The following CC2D2B variants were observed in gnomAD, a reference collection of about 807,000 sequenced individuals.
CC2D2B encodes coiled-coil and C2 domain containing 2B.
CC2D2B carries 128 observed loss-of-function variants against 161.2 expected under a neutral mutation model. That is an observed-to-expected ratio of 0.79 (90% confidence interval 0.69 to 0.92). CC2D2B has a LOEUF of 0.92. Ranked by LOEUF, CC2D2B falls within the 40% of genes least tolerant of loss-of-function variation. The pLI is 0.00. For synonymous variants in CC2D2B, 391 were observed against 449.8 expected (o/e 0.87, Z 1.65); for missense variants, 1,173 against 1,375.1 (o/e 0.85, Z 2.32).
intron 9 of CC2D2B, among the ~76,000 whole-genome samples, chr10:95,946,719 G>A (rs535877287): frequency 2.1e-4 from 32 of 152,180 alleles, no homozygotes; most frequent in African/African-American, 7.7e-4. Context: ...AGAAGGAAAG[G>A]TTCCTAACTC....
At chr10:96,022,713 T>G (rs1393084371) in intron 32 of CC2D2B, 2 of 152,232 alleles carry the variant, frequency 1.3e-5, no homozygotes, top group African/African-American at 4.8e-5. Flanking sequence ...TAGATGTAGA[T>G]ACTACAAGAA....
chr10:95,996,066 G>C (rs562795199), intron 23 of CC2D2B, 77 bp from the exon 24 acceptor site: 1 of 536,964 alleles, frequency 1.9e-6, no homozygotes, highest in African/African-American at 2.0e-5. Flanking sequence ...CATTTGCCAA[G>C]TAATTTCCTA....
intron 34 of CC2D2B, among the ~76,000 whole-genome samples, chr10:96,028,042 A>T (rs1049036046): frequency 2.0e-5 from 3 of 152,212 alleles, no homozygotes; most frequent in African/African-American, 7.2e-5. Flanking sequence ...CTACAAGAAA[A>T]CATTGGGGAA....
intron 17 of CC2D2B, among the ~76,000 whole-genome samples, chr10:95,979,902 G>A (rs1427170134): frequency 1.3e-5 from 2 of 152,188 alleles, no homozygotes; most frequent in African/African-American, 4.8e-5. Flanking sequence ...AGTGGTAAAT[G>A]TTATGTATAT....
intron 12 of CC2D2B, among the ~76,000 whole-genome samples, chr10:95,964,712 T>C (rs182437929): frequency 2.1e-4 from 32 of 152,244 alleles, no homozygotes; most frequent in African/African-American, 7.0e-4. Context: ...TACTACCATA[T>C]AGATAATATC....
chr10:96,007,328 C>T (rs1483886048), intron 25 of CC2D2B, among the ~76,000 whole-genome samples: 2 of 152,094 alleles, frequency 1.3e-5, no homozygotes, highest in Non-Finnish European at 1.5e-5. Context: ...GCCTCCAGCT[C>T]CATCCATGTA....
chr10:95,961,621 C>A (rs2076765623), intron 11 of CC2D2B: 2 of 353,656 alleles, frequency 5.7e-6, no homozygotes, highest in Admixed American at 9.4e-5. Context: ...AGTGAAAAGC[C>A]ATTAAGTCAT....
chr10:96,010,422 T>G (rs2078936850), intron 26 of CC2D2B, among the ~76,000 whole-genome samples: 1 of 152,142 alleles, frequency 6.6e-6, no homozygotes, highest in Admixed American at 6.5e-5. Flanking sequence ...CTTCACTAAG[T>G]GATGATAGGC....
In CC2D2B at chr10:95,938,030, G is replaced by C. The variant is rs1411937713; in HGVS notation, c.376G>C (p.Gly126Arg). Reference protein sequence around the residue: ...NRSYPKCFSLGVNLQNVAESE... With the variant: ...NRSYPKCFSLRVNLQNVAESE... ...TAGTTATCCCAAATGCTTTTCACTTGGTGTTAATTTACAAAATGTTGCTGA... is the reference window on the plus strand; with the variant it reads ...TAGTTATCCCAAATGCTTTTCACTTCGTGTTAATTTACAAAATGTTGCTGA... The change falls in exon 7 of 35, where the codon GGT becomes CGT. Residue 126 changes from glycine to arginine, a missense_variant. Around this residue, in one of 3 missense-constraint regions of CC2D2B, gnomAD observed 298 missense variants for 261.2 expected, o/e 1.14. Coordinates refer to ENST00000646931, the MANE Select transcript of CC2D2B (RefSeq NM_001349008.3). 6.4e-7 allele frequency: 1 copy of C among 1,550,750 alleles called. No homozygotes were observed. Among genetic ancestry groups the C allele is most frequent in the South Asian group, 1.2e-5 (1 of 84,018 alleles).
intron 2 of CC2D2B, chr10:95,918,966 T>C (rs1208228536): frequency 6.6e-6 from 1 of 152,164 alleles, no homozygotes; most frequent in Non-Finnish European, 1.5e-5. Context: ...TTGATTCTTT[T>C]TAATTATTTC....
chr10:95,981,398 C>CAAAA (rs35175559), intron 17 of CC2D2B, among the ~76,000 whole-genome samples: 1 of 88,436 alleles, frequency 1.1e-5, no homozygotes, highest in South Asian at 3.9e-4. Flanking sequence ...GACTCCGTCT[C>CAAAA]AAAAAAAAAA....
intron 6 of CC2D2B, 87 bp downstream of exon 6, chr10:95,927,419 G>A (rs772938388): frequency 2.2e-5 from 16 of 726,818 alleles, no homozygotes; most frequent in Non-Finnish European, 3.5e-5. Context: ...TACTTGGACG[G>A]GAGATAAAGT....
chr10:95,967,558 A>AG (rs2076982729), intron 14 of CC2D2B, among the ~76,000 whole-genome samples: 1 of 152,206 alleles, frequency 6.6e-6, no homozygotes, highest in South Asian at 2.1e-4. Context: ...CAGAGATTAG[A>AG]GAAAAATTAA....
chr10:96,019,907 T>C, intron 32 of CC2D2B, 83 bp downstream of exon 32: 1 of 1,268,944 alleles, frequency 7.9e-7, no homozygotes, highest in Non-Finnish European at 1.1e-6. Context: ...TCTTATTATG[T>C]TTTATAGTTG....
intron 30 of CC2D2B, among the ~76,000 whole-genome samples, chr10:96,016,918 C>A (rs891748926): frequency 6.6e-6 from 1 of 152,106 alleles, no homozygotes; most frequent in African/African-American, 2.4e-5. Flanking sequence ...GGGGTTTCAT[C>A]ATGTTGGCCA....
chr10:96,025,883 C>T (rs2079748905), intron 33 of CC2D2B, among the ~76,000 whole-genome samples: 1 of 152,214 alleles, frequency 6.6e-6, no homozygotes, highest in African/African-American at 2.4e-5. Flanking sequence ...TTACCACTCC[C>T]TTTCTCACTA....
chr10:95,976,090 C>T (rs2077303651), intron 17 of CC2D2B, among the ~76,000 whole-genome samples: 1 of 152,076 alleles, frequency 6.6e-6, no homozygotes, highest in African/African-American at 2.4e-5. Flanking sequence ...TCAACTTGTC[C>T]ATCTCCCTAG....
At chr10:95,989,360 C>T (rs1564644711) in intron 20 of CC2D2B, among the ~76,000 whole-genome samples, 1 of 152,188 alleles carries the variant, frequency 6.6e-6, no homozygotes, top group Non-Finnish European at 1.5e-5. Context: ...TCTTCTAGTT[C>T]GTACACCATG....
At chr10:96,026,021 T>C (rs1057239661) in intron 33 of CC2D2B, among the ~76,000 whole-genome samples, 2 of 152,228 alleles carry the variant, frequency 1.3e-5, no homozygotes, top group Non-Finnish European at 2.9e-5. Context: ...CTTATAGAAC[T>C]ATTTAAAAAT....
Sources: allele counts gnomAD v4.1 joint callset (sites outside exome capture counted in the v4.1 genomes callset), GRCh38; gene constraint gnomAD v4.1.1; regional missense constraint gnomAD v4.1.1; transcripts MANE v1.5; gene names NCBI Gene and HGNC (gene_info 2026-07-23, HGNC 2026-07-21).